The following SEMA5A variants were observed in gnomAD, a reference collection of about 807,000 sequenced individuals.
SEMA5A encodes the protein semaphorin 5A.
In SEMA5A, 55 loss-of-function variants were observed where a neutral mutation model predicts 135.5. The observed-to-expected ratio is 0.41, with a 90% CI of 0.33 to 0.51. SEMA5A has a LOEUF of 0.51. Ranked by LOEUF, SEMA5A falls within the 20% of genes least tolerant of loss-of-function variation. The probability of loss-of-function intolerance (pLI) is 0.37; values close to 1 mark genes in which losing one functional copy is unlikely to be tolerated. For missense variants in SEMA5A, 1,290 were observed against 1,419.9 expected, an observed-to-expected ratio of 0.91 and a Z score of 1.47; for synonymous variants, 580 against 546.5, an observed-to-expected ratio of 1.06 and a Z score of -0.85.
At chr5:9,238,028 A>G in intron 5 of SEMA5A, 138 bp from the exon 6 acceptor site, 1 of 698,634 alleles carries the variant, frequency 1.4e-6, no homozygotes, top group Non-Finnish European at 2.5e-6. Context: ...TACTCATAGA[A>G]TTTACACCAA....
intron 11 of SEMA5A, among the ~76,000 whole-genome samples, chr5:9,175,448 C>T (rs916906069): frequency 6.6e-6 from 1 of 152,058 alleles, no homozygotes; most frequent in African/African-American, 2.4e-5. Flanking sequence ...TAGAGGGGTG[C>T]AAGCAGAGAT....
At chr5:9,257,593 G>C (rs1007057875) in intron 5 of SEMA5A, among the ~76,000 whole-genome samples, 2 of 134,564 alleles carry the variant, frequency 1.5e-5, no homozygotes, top group African/African-American at 5.0e-5. Context: ...ATTCTATTTT[G>C]CTCTAAAAAA....
chr5:9,187,159 T>C (rs1034876825), intron 11 of SEMA5A, among the ~76,000 whole-genome samples: 1 of 152,118 alleles, frequency 6.6e-6, no homozygotes, highest in Non-Finnish European at 1.5e-5. Flanking sequence ...TTAAAATGTA[T>C]ATTATTATAC....
chr5:9,242,512 CA>C (rs1748255875), intron 5 of SEMA5A, among the ~76,000 whole-genome samples: 1 of 152,146 alleles, frequency 6.6e-6, no homozygotes, highest in Admixed American at 6.5e-5. Flanking sequence ...ACCTCAAAAT[CA>C]AAAGACTAGC....
intron 3 of SEMA5A, among the ~76,000 whole-genome samples, chr5:9,338,961 A>G (rs1245337403): frequency 6.6e-6 from 1 of 152,086 alleles, no homozygotes; most frequent in Non-Finnish European, 1.5e-5. Flanking sequence ...TACGAGGGGG[A>G]AGTGATATCA....
intron 2 of SEMA5A, among the ~76,000 whole-genome samples, chr5:9,434,824 A>G (rs1390514528): frequency 1.3e-5 from 2 of 152,228 alleles, no homozygotes. Flanking sequence ...CATGTCTCCA[A>G]AACTTCTGCT....
intron 9 of SEMA5A, among the ~76,000 whole-genome samples, chr5:9,197,757 T>C (rs931661663): frequency 1.5e-4 from 21 of 142,644 alleles, no homozygotes; most frequent in African/African-American, 5.7e-4. Context: ...TGTGTGTGTG[T>C]GTGTGTGTGT....
At chr5:9,205,333 A>C (rs1026945767) in intron 8 of SEMA5A, among the ~76,000 whole-genome samples, 1 of 126,112 alleles carries the variant, frequency 7.9e-6, no homozygotes. Flanking sequence ...CAGAAAGAAG[A>C]AAAAGTGGAA....
At chr5:9,540,030 G>A (rs1737989811) in intron 1 of SEMA5A, among the ~76,000 whole-genome samples, 1 of 152,246 alleles carries the variant, frequency 6.6e-6, no homozygotes. Context: ...TCCATGGTTA[G>A]CCCCCAAAAG....
chr5:9,143,147 TC>T (rs796087583), intron 12 of SEMA5A, among the ~76,000 whole-genome samples: 7 of 152,204 alleles, frequency 4.6e-5, no homozygotes, highest in African/African-American at 1.7e-4. Context: ...GAGAGTTATA[TC>T]GTGCTAGACA....
intron 4 of SEMA5A, among the ~76,000 whole-genome samples, chr5:9,330,389 C>CAAA (rs10564647): frequency 9.3e-6 from 1 of 106,994 alleles, no homozygotes; most frequent in Admixed American, 9.9e-5. Context: ...GACTCTGTCT[C>CAAA]AAAAAAAAAA....
intron 1 of SEMA5A, among the ~76,000 whole-genome samples, chr5:9,507,999 G>C (rs376177): frequency 0.46 from 58,816 of 128,924 alleles, 12,233 homozygotes; most frequent in Admixed American, 0.5. Context: ...GCAAGACTCT[G>C]TCTCAAAAAA....
chr5:9,498,979 G>A (rs1735443774), intron 1 of SEMA5A, among the ~76,000 whole-genome samples: 1 of 152,200 alleles, frequency 6.6e-6, no homozygotes, highest in African/African-American at 2.4e-5. Context: ...GGAACGTAAT[G>A]AAAATGTATG....
intron 3 of SEMA5A, among the ~76,000 whole-genome samples, chr5:9,379,190 A>G (rs2126475309): frequency 6.6e-6 from 1 of 152,370 alleles, no homozygotes; most frequent in South Asian, 2.1e-4. Flanking sequence ...ACAATGTCTC[A>G]TTCATCATAT....
intron 17 of SEMA5A, 108 bp from the exon 18 acceptor site, chr5:9,063,213 C>A: frequency 9.2e-7 from 1 of 1,085,988 alleles, no homozygotes; most frequent in Non-Finnish European, 1.4e-6. Flanking sequence ...CTAGAACTAC[C>A]CTCTCACATT....
chr5:9,148,994 A>G (rs1482950085), intron 12 of SEMA5A, among the ~76,000 whole-genome samples: 1 of 152,118 alleles, frequency 6.6e-6, no homozygotes, highest in East Asian at 1.9e-4. Context: ...TGCTGCAATT[A>G]CAAGTGTGAG....
intron 5 of SEMA5A, among the ~76,000 whole-genome samples, chr5:9,310,908 A>G (rs1158823348): frequency 6.6e-6 from 1 of 151,240 alleles, no homozygotes; most frequent in Non-Finnish European, 1.5e-5. Context: ...ATGAATCTTT[A>G]GTGTTTAGAT....
intron 2 of SEMA5A, among the ~76,000 whole-genome samples, chr5:9,407,056 G>A (rs573404158): frequency 3.3e-5 from 5 of 152,266 alleles, no homozygotes; most frequent in Admixed American, 6.5e-5. Context: ...GATGCTTAGC[G>A]GTATTGCCTG....
intron 3 of SEMA5A, among the ~76,000 whole-genome samples, chr5:9,377,583 A>G (rs773815090): frequency 1.3e-5 from 2 of 152,212 alleles, no homozygotes; most frequent in African/African-American, 4.8e-5. Flanking sequence ...AGATTTTTCA[A>G]TAATCCAAAA....
Sources: allele counts gnomAD v4.1 joint callset (sites outside exome capture counted in the v4.1 genomes callset), GRCh38; gene constraint gnomAD v4.1.1; transcripts MANE v1.5; gene names NCBI Gene and HGNC (gene_info 2026-07-23, HGNC 2026-07-21).